Variants in PCDH1 observed in about 807,000 individuals in gnomAD.
The protein encoded by PCDH1 is protocadherin 1.
PCDH1 carries 23 observed loss-of-function variants against 74.6 expected under a neutral mutation model. That is an observed-to-expected ratio of 0.31 (90% confidence interval 0.22 to 0.44). The LOEUF (loss-of-function observed/expected upper bound fraction) is 0.44, where lower values mean the gene tolerates loss of function less well. Among genes scored for constraint, PCDH1 ranks in the 20% least tolerant of loss-of-function variants. PCDH1 has a pLI of 1.00. For synonymous variants in PCDH1, 647 were observed against 686.1 expected (o/e 0.94, Z 0.89); for missense variants, 1,214 against 1,641.4 (o/e 0.74, Z 4.50).
Position 141,863,726 on chromosome 5 carries a change from C to A in PCDH1, c.2605G>T (p.Ala869Ser), listed in dbSNP as rs996382340. The A allele has an allele frequency of 3.1e-6, 5 of 1,614,190 alleles. No individual in the cohort carries two copies. The highest frequency in any genetic ancestry group is 4.2e-6 in the Non-Finnish European group (5 of 1,180,018). Residue 869 changes from alanine (A) to serine (S), a missense_variant, in exon 3 of 5, where the codon GCC becomes TCC. Ala to Ser is a moderately conservative substitution (Grantham distance 99, BLOSUM62 1). Transcript: ENST00000287008. This position sits in a 1 kb window ranked among gnomAD's most constrained non-coding sequence, Gnocchi z 7.5. ...AGVVAVALLI[A>S]LAVLVRYCRQ... ...CAGTAGCGCACAAGAACCGCCAGGG[C>A]GATGAGCAAGGCCACGGCCACCACA...
At chr5:141,857,546 C>G in intron 3 of PCDH1, 75 bp from the exon 4 acceptor site, 1 of 1,267,628 alleles carries the variant, frequency 7.9e-7, no homozygotes, top group Non-Finnish European at 1.1e-6. Flanking sequence ...GGCCCTAGTA[C>G]AAGCCAAGCA....
rs772900725 is a variant in PCDH1 at position 141,863,126 on chromosome 5, C to A, written c.3099+106G>T. On this transcript the variant is annotated intron_variant, in intron 3 of 4. Transcript: ENST00000287008. The surrounding 1 kb of genome is among the most constrained non-coding windows in gnomAD (Gnocchi z 7.5). ...GGCTCAGGCTGGCCCCCAACACGGG[C>A]AGGCACAGTAAACCTGCTCCATCAC... The A allele has an allele frequency of 2.2e-5, 31 of 1,439,632 alleles. No individual in the cohort carries two copies. Among genetic ancestry groups the A allele is most frequent in the Non-Finnish European group, 2.7e-5 (30 of 1,092,908 alleles). 89.2% of individuals were successfully genotyped at this position (1,439,632 alleles called of 1,614,324 possible).
rs765053431 is a variant in PCDH1, at chr5:141,869,223, A to G, written c.249T>C (p.Phe83=). The change falls in exon 2 of 5, where the codon TTT becomes TTC. Residue 83 remains phenylalanine (F), a synonymous_variant. Transcript: ENST00000287008. This position sits in a 1 kb window ranked among gnomAD's most constrained non-coding sequence, Gnocchi z 4.9. ...GCTTGTACAGGTGCCCCACATCTGG[A>G]AAACCATAGTCGGCTGCGAGGCTCC... ...LIGSLAADYG[F]PDVGHLYKLE... 6 of 1,613,942 alleles carry G rather than the reference A, an allele frequency of 3.7e-6. No individual in the cohort carries two copies. Among genetic ancestry groups the G allele is most frequent in the Non-Finnish European group, 5.1e-6 (6 of 1,179,954 alleles).
chr5:141,871,274 T>C (rs545934377), intron 1 of PCDH1, among the ~76,000 whole-genome samples: 25 of 152,370 alleles, frequency 1.6e-4, no homozygotes, highest in African/African-American at 5.8e-4. Context: ...ATTGGGCATT[T>C]ACAATATGCC....
chr5:141,864,032 T>G lies in PCDH1; in HGVS notation c.2299A>C (p.Ile767Leu). 1 of 1,614,022 alleles carries G rather than the reference T, an allele frequency of 6.2e-7. No individual in the cohort carries two copies. Among genetic ancestry groups the G allele is most frequent in the Non-Finnish European group, 8.5e-7 (1 of 1,179,996 alleles). The change falls in exon 3 of 5, where the codon ATT becomes CTT. Residue 767 changes from isoleucine (I) to leucine (L), a missense_variant. Coordinates refer to ENST00000287008, the MANE Select transcript of PCDH1 (RefSeq NM_032420.5). The surrounding 1 kb of genome is among the most constrained non-coding windows in gnomAD (Gnocchi z 5.9). ...GTGATGGCACCTGAATGTGACCCAA[T>G]CTGGAAGAGTCCATAAGGGTTGCCA... The part of the protein sequence containing the change: ...AGGNPYGLFQ[I>L]GSHSGAITLE...
chr5:141,862,825 T>C lies in PCDH1; in HGVS notation c.3099+407A>G, dbSNP rs1752618555. On this transcript the variant is annotated intron_variant, in intron 3 of 4. Transcript: ENST00000287008. Reference sequence around the variant, plus strand: ...CCACAGGACCCCAGGTCTCCCTGTTTCCCTCCTAGAGAAGCACCTAGGTCT... The same window carrying C: ...CCACAGGACCCCAGGTCTCCCTGTTCCCCTCCTAGAGAAGCACCTAGGTCT... 3 of 1,070,176 alleles carry C rather than the reference T, an allele frequency of 2.8e-6. No individual in the cohort carries two copies. In the African/African-American group the frequency reaches 5.0e-5, roughly 18 times the overall value. 66.3% of individuals were successfully genotyped at this position (1,070,176 alleles called of 1,614,324 possible).
intron 4 of PCDH1, 26 bp from the exon 5 acceptor site, chr5:141,854,462 A>G: frequency 6.4e-7 from 1 of 1,571,796 alleles, no homozygotes; most frequent in South Asian, 1.2e-5. Context: ...GGGAAGGACA[A>G]TTGTCAGACA....
At chr5:141,870,037 G>A (rs1753048931) in intron 1 of PCDH1, among the ~76,000 whole-genome samples, 1 of 152,160 alleles carries the variant, frequency 6.6e-6, no homozygotes, top group East Asian at 1.9e-4. Context: ...ATTTCTCTTT[G>A]TTCTGAGATG....
rs879844962 is a variant in PCDH1 at position 141,865,886 on chromosome 5, G to A, written c.904-459C>T. Among the ~76,000 whole-genome samples, 8 of 152,220 alleles carry A rather than the reference G, an allele frequency of 5.3e-5. No homozygotes were observed. The highest frequency in any genetic ancestry group is 1.0e-4 in the Non-Finnish European group (7 of 68,042). On this transcript the variant is annotated intron_variant, in intron 2 of 4. Transcript: ENST00000287008. The surrounding 1 kb of genome is among the most constrained non-coding windows in gnomAD (Gnocchi z 4.4). ...GTGAATGTGCACTACATGCACGCAC[G>A]CATGCACATATGTATGTGTATGATT...
At position 141,854,359 on chromosome 5, in the gene PCDH1, A is replaced by G. The variant is rs1454898079; in HGVS notation, c.3397T>C (p.Cys1133Arg). ...GGAGATGACTGGCCAGGCATCCAGC[A>G]TGTGTCAGAGTGGCCAAACTCACTG... Reference protein sequence around the residue: ...ECSEFGHSDTCWMPGQSSPSR... With the variant: ...ECSEFGHSDTRWMPGQSSPSR... Residue 1133 changes from cysteine to arginine, a missense_variant, in exon 5 of 5, where the codon TGC becomes CGC. By Grantham distance (180) the Cys-to-Arg change is radical (BLOSUM62 -3). Around this residue, in one of 4 missense-constraint regions of PCDH1, gnomAD observed 194 missense variants for 198.3 expected, o/e 0.98. Coordinates refer to ENST00000287008, the MANE Select transcript of PCDH1 (RefSeq NM_032420.5). 6.2e-7 allele frequency: 1 copy of G among 1,613,640 alleles called. No homozygotes were observed. Among genetic ancestry groups the G allele is most frequent in the Admixed American group, 1.7e-5 (1 of 60,018 alleles).
chr5:141,864,308 G>C lies in PCDH1; in HGVS notation c.2023C>G (p.Arg675Gly). ...AAGGTGTAGGTGCTTTGTTGCTCTC[G>C]ATCAAAGCTCAGGCTGGATAGGATG... The part of the protein sequence containing the change: ...GTILSSLSFD[R>G]EQQSTYTFQL... Residue 675 changes from arginine (R) to glycine (G), a missense_variant, in exon 3 of 5, where the codon CGA (arginine) becomes GGA (glycine). Physicochemically the swap from Arg to Gly is moderately radical, Grantham distance 125. Transcript: ENST00000287008. This position sits in a 1 kb window ranked among gnomAD's most constrained non-coding sequence, Gnocchi z 5.9. 6.2e-7 allele frequency: 1 copy of C among 1,614,012 alleles called. No homozygotes were observed. The highest frequency in any genetic ancestry group is 8.5e-7 in the Non-Finnish European group (1 of 1,179,918).
At chr5:141,871,202 C>T (rs1753089373) in intron 1 of PCDH1, among the ~76,000 whole-genome samples, 1 of 152,264 alleles carries the variant, frequency 6.6e-6, no homozygotes, top group Non-Finnish European at 1.5e-5. Flanking sequence ...TGCCCCCTAA[C>T]AATGCACCTT....
In PCDH1 at chr5:141,864,481, T is replaced by C; in HGVS notation, c.1850A>G (p.Tyr617Cys). 6.2e-7 allele frequency: 1 copy of C among 1,614,180 alleles called. No individual in the cohort carries two copies. The highest frequency in any genetic ancestry group is 8.5e-7 in the Non-Finnish European group (1 of 1,180,022). ...CATGTTCTCCATCACTGAGAAGTTGTAGCCACTCAGCATAAATTTGGGGTC... is the reference window on the plus strand; with the variant it reads ...CATGTTCTCCATCACTGAGAAGTTGCAGCCACTCAGCATAAATTTGGGGTC... Reference protein sequence around the residue: ...DNDPKFMLSGYNFSVMENMPA... With the variant: ...DNDPKFMLSGCNFSVMENMPA... The change falls in exon 3 of 5, where the codon TAC (tyrosine) becomes TGC (cysteine). Residue 617 changes from tyrosine to cysteine, a missense_variant. Physicochemically the swap from Tyr to Cys is radical, Grantham distance 194 (BLOSUM62 -2). Around this residue, in one of 4 missense-constraint regions of PCDH1, gnomAD observed 836 missense variants for 1,182.2 expected, o/e 0.71. Coordinates refer to ENST00000287008, the MANE Select transcript of PCDH1 (RefSeq NM_032420.5). The surrounding 1 kb of genome is among the most constrained non-coding windows in gnomAD (Gnocchi z 5.9).
At chr5:141,862,901 C>G (rs906958721) in intron 3 of PCDH1, 1 of 1,212,250 alleles carries the variant, frequency 8.2e-7, no homozygotes, top group African/African-American at 1.6e-5. Flanking sequence ...CCATTTCCCT[C>G]CCCACTTACG....
chr5:141,867,768 T>C lies in PCDH1; in HGVS notation c.903+801A>G, dbSNP rs934181959. Among the ~76,000 whole-genome samples the C allele has an allele frequency of 3.3e-5, 5 of 152,206 alleles. No individual in the cohort carries two copies. The East Asian group carries it at 7.7e-4, about 24-fold the overall frequency. On this transcript the variant is annotated intron_variant, in intron 2 of 4. Coordinates refer to ENST00000287008, the MANE Select transcript of PCDH1 (RefSeq NM_032420.5). ...CAAAGAGAGAGGCATCTTCAGCCCA[T>C]GGGGAAGGGGAAAGGAGCTGGGGCT...
chr5:141,867,528 C>A lies in PCDH1; in HGVS notation c.903+1041G>T, dbSNP rs543856197. 505 of 449,798 alleles carry A rather than the reference C, an allele frequency of 1.1e-3. 8 individuals carry two copies. The highest frequency in any genetic ancestry group is 7.7e-3 in the South Asian group (484 of 63,022). The allele number at this position is 449,798 out of a possible 1,614,324, so 27.9% of individuals were successfully genotyped here. A position where few individuals can be genotyped will look rare whatever the true frequency, so the allele number is the denominator to read the frequency against. ...ATCATGTGTTTAGAACGGTGCCTGG[C>A]ACCTAGGCTATTATTATTTGCTATC... On this transcript the variant is annotated intron_variant, in intron 2 of 4. Coordinates refer to ENST00000287008, the MANE Select transcript of PCDH1 (RefSeq NM_032420.5).
chr5:141,872,215 C>G (rs1420498450), intron 1 of PCDH1, among the ~76,000 whole-genome samples: 1 of 147,158 alleles, frequency 6.8e-6, no homozygotes, highest in Non-Finnish European at 1.5e-5. Flanking sequence ...AGGACCATCA[C>G]CAGAGAACCT....
chr5:141,868,471 A>C lies in PCDH1; in HGVS notation c.903+98T>G, dbSNP rs2126825694. ...AGGGGTCTCACTACAGTATTCTGGC[A>C]GTTTTTCCCCTAAGTGAAGGGAACT... On this transcript the variant is annotated intron_variant, in intron 2 of 4. Coordinates refer to ENST00000287008, the MANE Select transcript of PCDH1 (RefSeq NM_032420.5). This position sits in a 1 kb window ranked among gnomAD's most constrained non-coding sequence, Gnocchi z 4.8. 6.7e-7 allele frequency: 1 copy of C among 1,495,956 alleles called. No individual in the cohort carries two copies. Among genetic ancestry groups the C allele is most frequent in the East Asian group, 2.3e-5 (1 of 43,292 alleles). The allele number at this position is 1,495,956 out of a possible 1,614,324, so 92.7% of individuals were successfully genotyped here. A position where few individuals can be genotyped will look rare whatever the true frequency, so the allele number is the denominator to read the frequency against.
intron 2 of PCDH1, among the ~76,000 whole-genome samples, chr5:141,866,395 C>T (rs1048661830): frequency 6.6e-5 from 10 of 152,226 alleles, no homozygotes; most frequent in South Asian, 2.1e-4. Flanking sequence ...AACTCCAACG[C>T]GCACTCGACT....
Sources: gnomAD v4.1 joint callset for allele counts (sites outside exome capture counted in the v4.1 genomes callset) on GRCh38, gnomAD v4.1.1 for gene constraint, gnomAD v4.1.1 regional missense constraint, Gnocchi (gnomAD v3.1) non-coding constraint, MANE v1.5 for transcripts, NCBI Gene and HGNC (gene_info 2026-07-23, HGNC 2026-07-21) for gene names.